The following TBC1D19 variants were observed in gnomAD, a reference collection of about 807,000 sequenced individuals.
TBC1D19 encodes the protein TBC1 domain family, member 19.
A neutral mutation model predicts 89.0 loss-of-function variants in TBC1D19; 60 were observed. The observed-to-expected ratio is 0.67, with a 90% CI of 0.55 to 0.84. The LOEUF (loss-of-function observed/expected upper bound fraction) is 0.84. Among genes scored for constraint, TBC1D19 ranks in the 40% least tolerant of loss-of-function variants. The probability of loss-of-function intolerance (pLI) is 0.00; values close to 1 mark genes in which losing one functional copy is unlikely to be tolerated. For missense variants in TBC1D19, 500 were observed against 610.8 expected (o/e 0.82, Z 1.91); for synonymous variants, 189 against 199.7 (o/e 0.95, Z 0.45).
chr4:26,594,570 G>A (rs1400922698), intron 1 of TBC1D19, among the ~76,000 whole-genome samples: 4 of 152,242 alleles, frequency 2.6e-5, no homozygotes, highest in Middle Eastern at 3.4e-3. Context: ...AACTCAAGCC[G>A]TAAAACATGT....
At chr4:26,632,785 A>G (rs922000386) in intron 4 of TBC1D19, among the ~76,000 whole-genome samples, 1 of 152,158 alleles carries the variant, frequency 6.6e-6, no homozygotes, top group Admixed American at 6.6e-5. Context: ...TGATATGGAC[A>G]CTGAAGTCAA....
chr4:26,745,607 G>C (rs1485212329), intron 18 of TBC1D19, among the ~76,000 whole-genome samples: 1 of 141,830 alleles, frequency 7.1e-6, no homozygotes, highest in Non-Finnish European at 1.5e-5. Flanking sequence ...CCCTGGTTCA[G>C]GCAATTCCCC....
the TBC1D19 span, among the ~76,000 whole-genome samples, chr4:26,773,977 A>G: frequency 6.6e-6 from 1 of 152,138 alleles, no homozygotes. Flanking sequence ...CTCTGCTAAG[A>G]TCTCCTTATC....
At chr4:26,783,283 A>G in the TBC1D19 span, among the ~76,000 whole-genome samples, 3 of 152,256 alleles carry the variant, frequency 2.0e-5, no homozygotes, top group African/African-American at 7.2e-5. Context: ...TTACAACAAG[A>G]AATGAAGGCT....
chr4:26,744,393 TA>T (rs1386740689), intron 18 of TBC1D19, among the ~76,000 whole-genome samples: 1 of 151,636 alleles, frequency 6.6e-6, no homozygotes, highest in Non-Finnish European at 1.5e-5. Context: ...TTTACTCTTA[TA>T]TTTATTATTT....
At chr4:26,715,812 A>G (rs1716558598) in intron 13 of TBC1D19, among the ~76,000 whole-genome samples, 1 of 152,084 alleles carries the variant, frequency 6.6e-6, no homozygotes, top group South Asian at 2.1e-4. Context: ...ACCAGCTGCT[A>G]TAGTTAGTCC....
chr4:26,641,676 C>T (rs1743549027), intron 7 of TBC1D19, among the ~76,000 whole-genome samples: 1 of 152,032 alleles, frequency 6.6e-6, no homozygotes, highest in Non-Finnish European at 1.5e-5. Flanking sequence ...AGCTAAAAAC[C>T]TTGAAAAAAG....
the TBC1D19 span, among the ~76,000 whole-genome samples, chr4:26,803,554 A>C: frequency 6.6e-6 from 1 of 152,244 alleles, no homozygotes; most frequent in African/African-American, 2.4e-5. Context: ...TTCGCTGAGC[A>C]GAATGGAGGT....
In TBC1D19 at chr4:26,672,250, G is replaced by T; in HGVS notation, c.703+63G>T. Reference sequence around the variant, plus strand: ...GTGAGACAGTCCCAGCTAAATGTCTGCCTCAGATAACCTCCAGGTGAAATT... The same window carrying T: ...GTGAGACAGTCCCAGCTAAATGTCTTCCTCAGATAACCTCCAGGTGAAATT... On this transcript the variant is annotated intron_variant, in intron 10 of 20. Coordinates refer to ENST00000264866, the MANE Select transcript of TBC1D19 (RefSeq NM_018317.4). The T allele has an allele frequency of 2.4e-6, 3 of 1,225,236 alleles. 1 individual carries two copies. In the South Asian group the frequency reaches 4.2e-5, roughly 17 times the overall value. 75.9% of individuals were successfully genotyped at this position (1,225,236 alleles called of 1,614,324 possible).
the TBC1D19 span, among the ~76,000 whole-genome samples, chr4:26,841,281 G>T: frequency 1.3e-5 from 2 of 151,876 alleles, no homozygotes; most frequent in East Asian, 3.9e-4. Flanking sequence ...CAGCTACTCG[G>T]GAGGCTGAGC....
chr4:26,847,693 G>C, the TBC1D19 span, among the ~76,000 whole-genome samples: 1 of 152,324 alleles, frequency 6.6e-6, no homozygotes, highest in Non-Finnish European at 1.5e-5. Context: ...AGATGCATCA[G>C]AAATAGACAC....
chr4:26,838,674 G>A, the TBC1D19 span, among the ~76,000 whole-genome samples: 1 of 152,222 alleles, frequency 6.6e-6, no homozygotes, highest in Non-Finnish European at 1.5e-5. Flanking sequence ...CCTGTACTTT[G>A]TCAGACTGGA....
the TBC1D19 span, among the ~76,000 whole-genome samples, chr4:26,824,307 G>T: frequency 3.3e-5 from 5 of 152,176 alleles, no homozygotes; most frequent in African/African-American, 1.2e-4. Flanking sequence ...CAGTAACTTC[G>T]TTCTTATTAA....
intron 3 of TBC1D19, among the ~76,000 whole-genome samples, chr4:26,618,769 G>T (rs1187133453): frequency 6.6e-6 from 1 of 152,202 alleles, no homozygotes; most frequent in African/African-American, 2.4e-5. Context: ...GTTGAAAACA[G>T]TCTGGAAGCG....
chr4:26,700,354 T>A (rs6813213), intron 13 of TBC1D19, among the ~76,000 whole-genome samples: 152,163 of 152,356 alleles, frequency 1, 75,986 homozygotes, highest in Middle Eastern at 1. Context: ...GTGATGAAAC[T>A]ATCTCAAAAG....
chr4:26,843,935 G>A, the TBC1D19 span, among the ~76,000 whole-genome samples: 1 of 152,164 alleles, frequency 6.6e-6, no homozygotes, highest in South Asian at 2.1e-4. Context: ...ACCAGATCTC[G>A]TGTGAACTCA....
the TBC1D19 span, among the ~76,000 whole-genome samples, chr4:26,779,812 C>T: frequency 1.3e-5 from 2 of 152,172 alleles, no homozygotes; most frequent in African/African-American, 2.4e-5. Flanking sequence ...ATTCTCACTC[C>T]AGCTTATAAT....
intron 13 of TBC1D19, among the ~76,000 whole-genome samples, chr4:26,693,357 C>A (rs995964927): frequency 1.3e-5 from 2 of 151,990 alleles, no homozygotes; most frequent in African/African-American, 4.8e-5. Flanking sequence ...TCAAAGCAGC[C>A]ATTATAAATA....
the TBC1D19 span, among the ~76,000 whole-genome samples, chr4:26,842,788 C>T: frequency 2.6e-5 from 4 of 152,046 alleles, no homozygotes; most frequent in Non-Finnish European, 5.9e-5. Context: ...GGATTATAGG[C>T]GTGAGCCACA....
Sources: gnomAD v4.1 joint callset for allele counts (sites outside exome capture counted in the v4.1 genomes callset) on GRCh38, gnomAD v4.1.1 for gene constraint, MANE v1.5 for transcripts, NCBI Gene and HGNC (gene_info 2026-07-23, HGNC 2026-07-21) for gene names.